CRTAP: variants seen among roughly 807,000 people sequenced by gnomAD.
CRTAP encodes the protein cartilage-associated protein.
CRTAP carries 33 observed loss-of-function variants against 42.7 expected under a neutral mutation model. The ratio of observed to expected loss-of-function variants is 0.77; its 90% CI spans 0.59 to 1.03. The LOEUF is 1.03. Ranked by LOEUF, CRTAP falls within the 50% of genes least tolerant of loss-of-function variation. The pLI, the probability that CRTAP is intolerant of heterozygous loss-of-function variation, is 0.00. For missense variants in CRTAP, 613 were observed against 533.9 expected (o/e 1.15, Z -1.46); for synonymous variants, 243 against 217.7 (o/e 1.12, Z -1.02).
chr3:33,146,934 G>C lies in CRTAP; in HGVS notation c.*4486G>C, dbSNP rs2030737436. The C allele has an allele frequency of 6.6e-6, 1 of 152,458 alleles. No homozygotes were observed. The highest frequency in any genetic ancestry group is 2.4e-5 in the African/African-American group (1 of 41,364). The allele number at this position is 152,458 out of a possible 1,614,324, so 9.4% of individuals were successfully genotyped here. ...ATACTTAAACTGTAGGGAAAAGGTGGATTGGTGCCAGAGAAAACATTATTT... is the reference window on the plus strand; with the variant it reads ...ATACTTAAACTGTAGGGAAAAGGTGCATTGGTGCCAGAGAAAACATTATTT... On this transcript the variant is annotated 3_prime_UTR_variant, in exon 7 of 7. Transcript: ENST00000320954.
At chr3:33,134,741 C>T (rs1470395453) in intron 6 of CRTAP, among the ~76,000 whole-genome samples, 1 of 152,164 alleles carries the variant, frequency 6.6e-6, no homozygotes, top group Non-Finnish European at 1.5e-5. Context: ...CTGACCCTGA[C>T]TCAACTGGTT....
chr3:33,145,393 C>G lies in CRTAP; in HGVS notation c.*2945C>G, dbSNP rs1473484680. ...CACCGTGTCCACAGCAGCCCCCAATCCCAGCGATGCGTCAGATCTTACGTG... is the reference window on the plus strand; with the variant it reads ...CACCGTGTCCACAGCAGCCCCCAATGCCAGCGATGCGTCAGATCTTACGTG... On this transcript the variant is annotated 3_prime_UTR_variant, in exon 7 of 7. Coordinates refer to ENST00000320954, the MANE Select transcript of CRTAP (RefSeq NM_006371.5). This position sits in a 1 kb window ranked among gnomAD's most constrained non-coding sequence, Gnocchi z 4.3. The G allele has an allele frequency of 2.6e-5, 4 of 152,412 alleles. No individual in the cohort carries two copies. The highest frequency in any genetic ancestry group is 2.6e-4 in the Admixed American group (4 of 15,286). The allele number at this position is 152,412 out of a possible 1,614,324, so 9.4% of individuals were successfully genotyped here.
chr3:33,134,255 A>T lies in CRTAP; in HGVS notation c.1142A>T (p.Asp381Val). The T allele has an allele frequency of 6.2e-7, 1 of 1,602,776 alleles. No homozygotes were observed. The highest frequency in any genetic ancestry group is 8.6e-7 in the Non-Finnish European group (1 of 1,169,578). The change falls in exon 6 of 7, where the codon GAT becomes GTT. Residue 381 changes from aspartate to valine, a missense_variant. Transcript: ENST00000320954. ...GACTTTGCTAAGGAAAATATAATGG[A>T]TGATGATGAGGTAAGTTTTCATGCT... is the stretch of plus-strand genomic sequence containing the variant. ...LYDFAKENIM[D>V]DDEGEVVEYV... is the part of the protein sequence containing the mutation.
chr3:33,120,590 A>G, intron 2 of CRTAP, 97 bp downstream of exon 2: 1 of 1,540,152 alleles, frequency 6.5e-7, no homozygotes, highest in Non-Finnish European at 8.8e-7. Flanking sequence ...ACCTCTAGTG[A>G]TTTTTGGTGA....
chr3:33,132,628 G>GCAGAACCTGGTGTATTA lies in CRTAP; in HGVS notation c.998_1014dup (p.Gln339ArgfsTer32), dbSNP rs1421277247. On this transcript the variant is annotated frameshift_variant, in exon 5 of 7. Transcript: ENST00000320954. LOFTEE classifies it high-confidence loss of function. ...TTGATCAGAATGACAAGGTCATGCAGCAGAACCTGGTGTATTACCAGTACC... is the reference window on the plus strand; with the variant it reads ...TTGATCAGAATGACAAGGTCATGCAGCAGAACCTGGTGTATTACAGAACCTGGTGTATTACCAGTACC... The GCAGAACCTGGTGTATTA allele has an allele frequency of 2.5e-6, 4 of 1,614,172 alleles. No homozygotes were observed. The highest frequency in any genetic ancestry group is 3.4e-6 in the Non-Finnish European group (4 of 1,179,990).
chr3:33,118,604 G>A (rs2125597851), intron 1 of CRTAP, among the ~76,000 whole-genome samples: 1 of 152,338 alleles, frequency 6.6e-6, no homozygotes, highest in East Asian at 1.9e-4. Flanking sequence ...TAGAAGTCTA[G>A]GGTATACCAA....
At chr3:33,130,391 A>G (rs1259056308) in intron 4 of CRTAP, among the ~76,000 whole-genome samples, 1 of 152,168 alleles carries the variant, frequency 6.6e-6, no homozygotes, top group East Asian at 1.9e-4. Flanking sequence ...TGTCTGGGGT[A>G]TTCCCACACT....
intron 1 of CRTAP, chr3:33,115,225 GT>G (rs1294324016): frequency 3.3e-5 from 5 of 152,172 alleles, no homozygotes; most frequent in African/African-American, 4.8e-5. Flanking sequence ...GATTACAGTC[GT>G]GAGCCATTGC....
intron 1 of CRTAP, 88 bp downstream of exon 1, chr3:33,114,636 G>T: frequency 1.5e-6 from 2 of 1,298,716 alleles, no homozygotes; most frequent in South Asian, 2.6e-5. Flanking sequence ...CCGGGGCCGC[G>T]TTGCCCCTCC....
Position 33,124,514 on chromosome 3 carries a change from GTC to G in CRTAP, c.731_732del (p.Leu244ArgfsTer34), listed in dbSNP as rs760337365. On this transcript the variant is annotated frameshift_variant, in exon 3 of 7. Coordinates refer to ENST00000320954, the MANE Select transcript of CRTAP (RefSeq NM_006371.5). LOFTEE classifies it high-confidence loss of function. ...GACTTCTTCAAAGCCTTTTACGAGT[GTC>G]TCGCAGCCTGCGAGGGTTCCAGGGA... 14 of 1,614,238 alleles carry G rather than the reference GTC, an allele frequency of 8.7e-6. No individual in the cohort carries two copies. The highest frequency in any genetic ancestry group is 1.2e-5 in the Non-Finnish European group (14 of 1,180,048).
chr3:33,126,120 C>T (rs1228546694), intron 3 of CRTAP, among the ~76,000 whole-genome samples: 2 of 152,116 alleles, frequency 1.3e-5, no homozygotes, highest in Non-Finnish European at 2.9e-5. Flanking sequence ...GCGATAACTC[C>T]CCATATCCCC....
chr3:33,125,430 T>G (rs941650196), intron 3 of CRTAP, among the ~76,000 whole-genome samples: 51 of 151,724 alleles, frequency 3.4e-4, no homozygotes, highest in African/African-American at 1.2e-3. Flanking sequence ...AATCCAGCGT[T>G]TTCGGTTTTG....
At chr3:33,136,872 CA>C (rs1371944359) in intron 6 of CRTAP, among the ~76,000 whole-genome samples, 2 of 152,142 alleles carry the variant, frequency 1.3e-5, no homozygotes, top group East Asian at 3.9e-4. Context: ...TACATTTCAA[CA>C]TGAGATTTGG....
At chr3:33,115,490 C>A (rs1701332426) in intron 1 of CRTAP, among the ~76,000 whole-genome samples, 1 of 151,986 alleles carries the variant, frequency 6.6e-6, no homozygotes, top group Non-Finnish European at 1.5e-5. Flanking sequence ...CCTATGGGTT[C>A]TCACTCCGAG....
chr3:33,114,765 A>G (rs1349443509), intron 1 of CRTAP, among the ~76,000 whole-genome samples: 1 of 152,226 alleles, frequency 6.6e-6, no homozygotes, highest in Non-Finnish European at 1.5e-5. Context: ...TCTAAGGTAG[A>G]GAATACGTAC....
chr3:33,130,920 G>A (rs923007997), intron 4 of CRTAP, among the ~76,000 whole-genome samples: 3 of 152,148 alleles, frequency 2.0e-5, no homozygotes, highest in Non-Finnish European at 4.4e-5. Flanking sequence ...GGAAGCAAAC[G>A]TGGGAGAGAA....
chr3:33,142,923 G>T lies in CRTAP; in HGVS notation c.*475G>T. On this transcript the variant is annotated 3_prime_UTR_variant, in exon 7 of 7. Transcript: ENST00000320954. ...TCTGCCTTGGCCTCCCACAGTGCTG[G>T]GATTACAGGCGTGAGCCACCATGCC... 1 of 181,582 alleles carries T rather than the reference G, an allele frequency of 5.5e-6. No homozygotes were observed. Among genetic ancestry groups the T allele is most frequent in the Non-Finnish European group, 1.2e-5 (1 of 84,726 alleles). 11.2% of individuals were successfully genotyped at this position (181,582 alleles called of 1,614,324 possible).
chr3:33,132,245 G>A (rs1242532712), intron 4 of CRTAP, among the ~76,000 whole-genome samples: 1 of 152,134 alleles, frequency 6.6e-6, no homozygotes, highest in East Asian at 1.9e-4. Flanking sequence ...CTCAGCCCCA[G>A]GACAATCCAG....
chr3:33,116,603 C>T (rs1261891456), intron 1 of CRTAP, among the ~76,000 whole-genome samples: 1 of 152,192 alleles, frequency 6.6e-6, no homozygotes, highest in African/African-American at 2.4e-5. Context: ...AAGTGATCCA[C>T]CTACCTTGGC....
Sources: allele counts gnomAD v4.1 joint callset (sites outside exome capture counted in the v4.1 genomes callset), GRCh38; gene constraint gnomAD v4.1.1; non-coding constraint Gnocchi (gnomAD v3.1); transcripts MANE v1.5; gene names NCBI Gene and HGNC (gene_info 2026-07-23, HGNC 2026-07-21).